The following CACNA1A variants were observed in gnomAD, a reference collection of about 807,000 sequenced individuals.
The protein encoded by CACNA1A is calcium voltage-gated channel subunit alpha1 A, also known as voltage-dependent P/Q-type calcium channel subunit alpha-1A.
Under a neutral mutation model 262.4 loss-of-function variants are expected in CACNA1A, and 57 were observed. The ratio of observed to expected loss-of-function variants is 0.22; its 90% CI spans 0.18 to 0.27. The LOEUF (loss-of-function observed/expected upper bound fraction) is 0.27, where lower values mean the gene tolerates loss of function less well. CACNA1A is among the 10% of genes least tolerant of loss of function. The pLI, the probability that CACNA1A is intolerant of heterozygous loss-of-function variation, is 1.00. For synonymous variants in CACNA1A, 1,431 were observed against 1,419.3 expected (o/e 1.01, Z -0.18); for missense variants, 2,526 against 3,562.8 (o/e 0.71, Z 7.41).
intron 3 of CACNA1A, among the ~76,000 whole-genome samples, chr19:13,413,946 A>AG (rs1568622070): frequency 1.3e-5 from 2 of 150,044 alleles, no homozygotes; most frequent in Non-Finnish European, 3.0e-5. Flanking sequence ...AAAGAAAGAA[A>AG]AGGAAGGCAA....
Position 13,249,859 on chromosome 19 carries a change from G to A in CACNA1A, c.4866+3132C>T, listed in dbSNP as rs184225158. Among the ~76,000 whole-genome samples, 453 of 152,094 alleles carry A rather than the reference G, an allele frequency of 3.0e-3. 1 individual carries two copies. The highest frequency in any genetic ancestry group is 0.01 in the African/African-American group (430 of 41,514). ...AAAGCTGATGCCCCTAACCACCTCC[G>A]TGAGCCAAGGTGGGAACCTGGTTTC... On this transcript the variant is annotated intron_variant, in intron 30 of 46. Coordinates refer to ENST00000360228, the MANE Select transcript of CACNA1A (RefSeq NM_001127222.2).
chr19:13,293,064 G>C (rs1035704853), intron 19 of CACNA1A, among the ~76,000 whole-genome samples: 3 of 152,156 alleles, frequency 2.0e-5, no homozygotes, highest in African/African-American at 7.2e-5. Flanking sequence ...AGAAGAGAGG[G>C]AGCAGGAACC....
At chr19:13,447,312 C>A (rs1287872894) in intron 3 of CACNA1A, among the ~76,000 whole-genome samples, 1 of 152,198 alleles carries the variant, frequency 6.6e-6, no homozygotes, top group African/African-American at 2.4e-5. Context: ...TATTTCTCCT[C>A]TAGAGGAATG....
chr19:13,208,083 A>G, intron 46 of CACNA1A, 30 bp from the exon 47 acceptor site: 1 of 1,259,210 alleles, frequency 7.9e-7, no homozygotes, highest in Non-Finnish European at 1.0e-6. Flanking sequence ...AAGGAAATCA[A>G]AAAAAAAGAT....
chr19:13,444,527 C>T (rs2060776648), intron 3 of CACNA1A, among the ~76,000 whole-genome samples: 1 of 152,118 alleles, frequency 6.6e-6, no homozygotes, highest in South Asian at 2.1e-4. Context: ...TTGGTTTCCT[C>T]AACTATATAA....
intron 3 of CACNA1A, among the ~76,000 whole-genome samples, chr19:13,432,447 A>T (rs1431953109): frequency 6.6e-6 from 1 of 151,322 alleles, no homozygotes; most frequent in Non-Finnish European, 1.5e-5. Flanking sequence ...AAATAAATAA[A>T]TAAAAATTAA....
rs186534441 is a variant in CACNA1A at position 13,500,191 on chromosome 19, A to T, written c.293+5741T>A. 2.4e-3 allele frequency among the ~76,000 whole-genome samples: 366 copies of T among 152,340 alleles called. 2 individuals carry two copies. Among genetic ancestry groups the T allele is most frequent in the Non-Finnish European group, 4.5e-3 (306 of 68,034 alleles). On this transcript the variant is annotated intron_variant, in intron 1 of 46. Coordinates refer to ENST00000360228, the MANE Select transcript of CACNA1A (RefSeq NM_001127222.2). ...CAAGGGTAGATCAGATAGATGTTAT[A>T]CAATTTAGTTAATGGGTGAAGACAG...
intron 19 of CACNA1A, among the ~76,000 whole-genome samples, chr19:13,293,439 C>CT (rs974515720): frequency 0.11 from 8,688 of 80,752 alleles, 993 homozygotes; most frequent in East Asian, 0.21. Flanking sequence ...TCAGTTAAAT[C>CT]TTTTTTTTTT....
intron 6 of CACNA1A, among the ~76,000 whole-genome samples, chr19:13,344,462 G>A (rs905126602): frequency 6.6e-6 from 1 of 152,106 alleles, no homozygotes; most frequent in Non-Finnish European, 1.5e-5. Flanking sequence ...CATCAGAGAA[G>A]CCTTCTTGGA....
At chr19:13,220,121 C>T (rs369393209) in intron 38 of CACNA1A, among the ~76,000 whole-genome samples, 4 of 152,030 alleles carry the variant, frequency 2.6e-5, no homozygotes, top group Middle Eastern at 3.4e-3. Flanking sequence ...TTTAGCTGGG[C>T]GTGGTGGTGG....
At chr19:13,358,553 G>A (rs185587277) in intron 6 of CACNA1A, among the ~76,000 whole-genome samples, 2 of 152,190 alleles carry the variant, frequency 1.3e-5, no homozygotes, top group African/African-American at 4.8e-5. Flanking sequence ...TAAGAAAGAG[G>A]GGGGAGGACA....
At chr19:13,337,334 C>T (rs2058594282) in intron 6 of CACNA1A, among the ~76,000 whole-genome samples, 1 of 152,166 alleles carries the variant, frequency 6.6e-6, no homozygotes, top group Non-Finnish European at 1.5e-5. Context: ...TGGCGGTTTG[C>T]TGGCAATCTT....
Position 13,376,819 on chromosome 19 carries a change from G to T in CACNA1A, c.540-5040C>A, listed in dbSNP as rs1355707968. ...TATACACATAATATATGTTATGTGT[G>T]ATATATAACACATGTTATATGTGAT... On this transcript the variant is annotated intron_variant, in intron 3 of 46. Transcript: ENST00000360228. 9.0e-5 allele frequency among the ~76,000 whole-genome samples: 7 copies of T among 77,688 alleles called. No homozygotes were observed. In the East Asian group the frequency reaches 1.9e-3, roughly 21 times the overall value. 51.0% of individuals were successfully genotyped at this position (77,688 alleles called of 152,430 possible).
intron 1 of CACNA1A, among the ~76,000 whole-genome samples, chr19:13,490,397 G>A (rs1422671952): frequency 6.6e-6 from 1 of 152,098 alleles, no homozygotes; most frequent in Non-Finnish European, 1.5e-5. Flanking sequence ...GAGGTCAAGA[G>A]GTCGAGACCA....
At chr19:13,238,018 C>T (rs780930989) in intron 31 of CACNA1A, among the ~76,000 whole-genome samples, 1 of 152,142 alleles carries the variant, frequency 6.6e-6, no homozygotes, top group Non-Finnish European at 1.5e-5. Flanking sequence ...CAGGGAGATG[C>T]GTGCAGAAAA....
At position 13,231,730 on chromosome 19, in the gene CACNA1A, T is replaced by G; in HGVS notation, c.5380A>C (p.Ile1794Leu). ...CTCACCAGAAACGAGCAGAGGAAGA[T>G]GAAGGAAACAAAGTAAAAATAAGCA... ...EFAYFYFVSFIFLCSFLMLNL... is the reference protein window; with the variant it reads ...EFAYFYFVSFLFLCSFLMLNL... The change falls in exon 35 of 47, where the codon ATC becomes CTC. Residue 1794 changes from isoleucine (I) to leucine (L), a missense_variant. Around this residue, in one of 17 missense-constraint regions of CACNA1A, gnomAD observed 39 missense variants for 124.9 expected, o/e 0.31. Coordinates refer to ENST00000360228, the MANE Select transcript of CACNA1A (RefSeq NM_001127222.2). The G allele has an allele frequency of 6.2e-7, 1 of 1,612,384 alleles. No homozygotes were observed. Among genetic ancestry groups the G allele is most frequent in the Non-Finnish European group, 8.5e-7 (1 of 1,179,196 alleles).
intron 3 of CACNA1A, among the ~76,000 whole-genome samples, chr19:13,423,381 C>A (rs531611036): frequency 1.3e-5 from 2 of 152,270 alleles, no homozygotes; most frequent in African/African-American, 4.8e-5. Flanking sequence ...AGTCACAGCA[C>A]CCAGATCAGA....
intron 3 of CACNA1A, among the ~76,000 whole-genome samples, chr19:13,408,912 G>C (rs1374061147): frequency 6.6e-6 from 1 of 152,132 alleles, no homozygotes; most frequent in Non-Finnish European, 1.5e-5. Flanking sequence ...AGGCAGGGAC[G>C]AGGAAGGAGA....
rs143245670 is a variant in CACNA1A, at chr19:13,227,366, AAAG to A, written c.5625+62_5625+64del. On this transcript the variant is annotated intron_variant, in intron 37 of 46. Coordinates refer to ENST00000360228, the MANE Select transcript of CACNA1A (RefSeq NM_001127222.2). ...GGTGTTTCTGGTCAGCACTAAAAAA[AAAG>A]AAGAAGAAGAAGAAAAAAAAACCCA... is the stretch of plus-strand genomic sequence containing the variant. The A allele has an allele frequency of 0.67, 429,868 of 646,384 alleles. 142,166 individuals carry two copies. The highest frequency in any genetic ancestry group is 0.79 in the East Asian group (26,297 of 33,094). The allele number at this position is 646,384 out of a possible 1,614,324, so 40.0% of individuals were successfully genotyped here. A position where few individuals can be genotyped will look rare whatever the true frequency, so the allele number is the denominator to read the frequency against.
Sources: gnomAD v4.1 joint callset for allele counts (sites outside exome capture counted in the v4.1 genomes callset) on GRCh38, gnomAD v4.1.1 for gene constraint, gnomAD v4.1.1 regional missense constraint, MANE v1.5 for transcripts, NCBI Gene and HGNC (gene_info 2026-07-23, HGNC 2026-07-21) for gene names.